Variants in AKAP13 observed in about 807,000 individuals in gnomAD.
AKAP13 encodes the protein A-kinase anchoring protein 13, also known as A-kinase anchor protein 13.
Under a neutral mutation model 264.5 loss-of-function variants are expected in AKAP13, and 80 were observed. The observed-to-expected ratio is 0.30, with a 90% CI of 0.25 to 0.36. AKAP13 has a LOEUF of 0.36. Among genes scored for constraint, AKAP13 ranks in the 10% least tolerant of loss-of-function variants. The pLI is 1.00. For missense variants in AKAP13, 3,712 were observed against 3,435.2 expected, an observed-to-expected ratio of 1.08 and a Z score of -2.01; for synonymous variants, 1,380 against 1,250.2, an observed-to-expected ratio of 1.10 and a Z score of -2.19.
rs1338996166 is a variant in AKAP13 at position 85,724,242 on chromosome 15, T to G, written c.6745+922T>G. ...ACGCATAGAACAAATGGTAAAGAAG[T>G]TCCAGGCAGTCAGCTGGTTTCAACA... On this transcript the variant is annotated intron_variant, in intron 26 of 36. Coordinates refer to ENST00000394518, the MANE Select transcript of AKAP13 (RefSeq NM_007200.5). The surrounding 1 kb of genome is among the most constrained non-coding windows in gnomAD (Gnocchi z 4.2). 6.6e-6 allele frequency among the ~76,000 whole-genome samples: 1 copy of G among 152,122 alleles called. No homozygotes were observed. The highest frequency in any genetic ancestry group is 1.5e-5 in the Non-Finnish European group (1 of 68,008).
chr15:85,695,379 G>C (rs898807691), intron 17 of AKAP13, among the ~76,000 whole-genome samples: 1 of 152,094 alleles, frequency 6.6e-6, no homozygotes, highest in African/African-American at 2.4e-5. Context: ...ACTCCAGCCT[G>C]GGCAACAGAG....
In AKAP13 at chr15:85,581,172, C is replaced by A; in HGVS notation, c.3104C>A (p.Ala1035Glu). ...ATESRQEALG[A>E]EHNSSALLPC... is the part of the protein sequence containing the mutation. ...GAGTCAAGGCAGGAAGCCTTGGGGG[C>A]AGAGCACAACAGCTCCGCTCTGTTG... The change falls in exon 7 of 37, where the codon GCA becomes GAA. Residue 1035 changes from alanine (A) to glutamate (E), a missense_variant. Around this residue, in one of 3 missense-constraint regions of AKAP13, gnomAD observed 2,759 missense variants for 2,411.7 expected, o/e 1.14. Transcript: ENST00000394518. The A allele has an allele frequency of 6.2e-7, 1 of 1,614,128 alleles. No individual in the cohort carries two copies. Among genetic ancestry groups the A allele is most frequent in the Non-Finnish European group, 8.5e-7 (1 of 1,180,016 alleles).
At chr15:85,507,286 C>G (rs1229848579) in intron 2 of AKAP13, among the ~76,000 whole-genome samples, 1 of 150,866 alleles carries the variant, frequency 6.6e-6, no homozygotes, top group African/African-American at 2.4e-5. Context: ...GCCTGTGAAC[C>G]AAATCTAGCC....
intron 3 of AKAP13, 58 bp downstream of exon 3, chr15:85,521,633 G>T (rs2076826184): frequency 6.4e-7 from 1 of 1,563,802 alleles, no homozygotes; most frequent in Non-Finnish European, 8.7e-7. Flanking sequence ...CCTTTTATTC[G>T]ATGTTTATGA....
chr15:85,730,731 C>T (rs763503385), intron 30 of AKAP13, 24 bp downstream of exon 30: 5 of 1,587,532 alleles, frequency 3.1e-6, no homozygotes, highest in Non-Finnish European at 4.3e-6. Flanking sequence ...AGCATTGCCC[C>T]CTCTTCATCT....
intron 16 of AKAP13, among the ~76,000 whole-genome samples, chr15:85,686,804 T>C (rs1339423521): frequency 6.6e-6 from 1 of 152,210 alleles, no homozygotes; most frequent in Non-Finnish European, 1.5e-5. Flanking sequence ...ATGCTTTGTA[T>C]AGTCTTAGCA....
At chr15:85,552,148 A>G (rs2077980234) in intron 5 of AKAP13, among the ~76,000 whole-genome samples, 1 of 152,240 alleles carries the variant, frequency 6.6e-6, no homozygotes, top group Non-Finnish European at 1.5e-5. Context: ...AATCCTATGC[A>G]TTTATTAATA....
rs2087672779 is a variant in AKAP13 at position 85,727,282 on chromosome 15, C to T, written c.7004+35C>T. On this transcript the variant is annotated intron_variant, in intron 28 of 36. Transcript: ENST00000394518. The surrounding 1 kb of genome is among the most constrained non-coding windows in gnomAD (Gnocchi z 5.3). ...CCACCAGGCCCCACCCTTCCCAGCCCTCCTGATGTCTCTGTGTGATTTCAT... is the reference window on the plus strand; with the variant it reads ...CCACCAGGCCCCACCCTTCCCAGCCTTCCTGATGTCTCTGTGTGATTTCAT... 2.5e-6 allele frequency: 4 copies of T among 1,613,468 alleles called. No homozygotes were observed. The highest frequency in any genetic ancestry group is 2.2e-5 in the East Asian group (1 of 44,842).
chr15:85,667,028 C>T (rs1170304398), intron 13 of AKAP13, among the ~76,000 whole-genome samples: 1 of 152,104 alleles, frequency 6.6e-6, no homozygotes, highest in Non-Finnish European at 1.5e-5. Flanking sequence ...CCAAATGAAA[C>T]ACTTACAATT....
chr15:85,630,745 A>G (rs929443892), intron 8 of AKAP13, among the ~76,000 whole-genome samples: 1 of 152,234 alleles, frequency 6.6e-6, no homozygotes, highest in African/African-American at 2.4e-5. Context: ...CAGGATGAGC[A>G]CCCATGTCAC....
intron 12 of AKAP13, 35 bp downstream of exon 12, chr15:85,658,625 T>TCACC: frequency 6.3e-7 from 1 of 1,582,864 alleles, no homozygotes; most frequent in Non-Finnish European, 8.7e-7. Context: ...ACTAACCATG[T>TCACC]CACCTCTGAG....
intron 1 of AKAP13, among the ~76,000 whole-genome samples, chr15:85,468,932 T>TTTTTTG (rs1567072793): frequency 7.4e-4 from 102 of 137,456 alleles, no homozygotes; most frequent in African/African-American, 1.2e-3. Flanking sequence ...TTTTTTTTTT[T>TTTTTTG]AATCAGACTT....
At chr15:85,568,776 C>T (rs767709844) in intron 5 of AKAP13, among the ~76,000 whole-genome samples, 9 of 152,158 alleles carry the variant, frequency 5.9e-5, no homozygotes, top group Non-Finnish European at 8.8e-5. Context: ...GTATTTCACT[C>T]TCAATACAAA....
intron 5 of AKAP13, among the ~76,000 whole-genome samples, chr15:85,545,750 TA>T (rs1162956995): frequency 6.6e-6 from 1 of 152,226 alleles, no homozygotes; most frequent in Non-Finnish European, 1.5e-5. Context: ...GTGATTCTAG[TA>T]GAATTTGGTA....
At chr15:85,586,595 C>G (rs1267281729) in intron 8 of AKAP13, among the ~76,000 whole-genome samples, 1 of 151,944 alleles carries the variant, frequency 6.6e-6, no homozygotes. Context: ...TAGTAACTGT[C>G]TAAATTATGA....
chr15:85,730,561 A>G lies in AKAP13; in HGVS notation c.7136A>G (p.Lys2379Arg). 6.2e-7 allele frequency: 1 copy of G among 1,614,172 alleles called. No individual in the cohort carries two copies. The highest frequency in any genetic ancestry group is 8.5e-7 in the Non-Finnish European group (1 of 1,180,022). The change falls in exon 30 of 37, where the codon AAG becomes AGG. Residue 2379 changes from lysine to arginine, a missense_variant. Lys to Arg is a conservative substitution (Grantham distance 26). Around this residue, in one of 3 missense-constraint regions of AKAP13, gnomAD observed 342 missense variants for 484.3 expected, o/e 0.71. Coordinates refer to ENST00000394518, the MANE Select transcript of AKAP13 (RefSeq NM_007200.5). ...AAAATCCTACTCTTGTTGGAAGAGA[A>G]GGAGATGATTTTCCGGGACATGGCT... is the stretch of plus-strand genomic sequence containing the variant. ...DQKILLLLEE[K>R]EMIFRDMAEC...
At chr15:85,460,455 A>G (rs1238040257) in intron 1 of AKAP13, among the ~76,000 whole-genome samples, 1 of 152,214 alleles carries the variant, frequency 6.6e-6, no homozygotes, top group Non-Finnish European at 1.5e-5. Flanking sequence ...CTGGACAGAA[A>G]TACCTTCCTT....
intron 19 of AKAP13, among the ~76,000 whole-genome samples, chr15:85,715,073 C>CA (rs1567209978): frequency 6.6e-6 from 1 of 152,178 alleles, no homozygotes; most frequent in African/African-American, 2.4e-5. Flanking sequence ...CCAGAGGTAA[C>CA]CACTCTTCTT....
At chr15:85,564,935 T>C (rs544106570) in intron 5 of AKAP13, among the ~76,000 whole-genome samples, 1 of 152,300 alleles carries the variant, frequency 6.6e-6, no homozygotes, top group East Asian at 1.9e-4. Flanking sequence ...CAAGTCTTGC[T>C]GAGCTCACAA....
Sources: gnomAD v4.1 joint callset for allele counts (sites outside exome capture counted in the v4.1 genomes callset) on GRCh38, gnomAD v4.1.1 for gene constraint, gnomAD v4.1.1 regional missense constraint, Gnocchi (gnomAD v3.1) non-coding constraint, MANE v1.5 for transcripts, NCBI Gene and HGNC (gene_info 2026-07-23, HGNC 2026-07-21) for gene names.